Variants in PIEZO2 observed in about 807,000 individuals in gnomAD.
The protein encoded by PIEZO2 is piezo-type mechanosensitive ion channel component 2.
A neutral mutation model predicts 337.3 loss-of-function variants in PIEZO2; 172 were observed. That is an observed-to-expected ratio of 0.51 (90% CI 0.45 to 0.58). The LOEUF (loss-of-function observed/expected upper bound fraction) is 0.58. Ranked by LOEUF, PIEZO2 falls within the 20% of genes least tolerant of loss-of-function variation. The probability of loss-of-function intolerance (pLI) is 0.00; values close to 1 mark genes in which losing one functional copy is unlikely to be tolerated. For synonymous variants in PIEZO2, 1,251 were observed against 1,228.5 expected, an observed-to-expected ratio of 1.02 and a Z score of -0.38; for missense variants, 3,028 against 3,391.3, an observed-to-expected ratio of 0.89 and a Z score of 2.66.
At chr18:10,893,162 T>G (rs758085401) in intron 4 of PIEZO2, among the ~76,000 whole-genome samples, 2 of 152,240 alleles carry the variant, frequency 1.3e-5, no homozygotes, top group Admixed American at 6.5e-5. Flanking sequence ...ACTGATTTAT[T>G]GAATTATGGC....
chr18:10,834,866 T>G lies in PIEZO2; in HGVS notation c.917+20487A>C, dbSNP rs1172152918. On this transcript the variant is annotated intron_variant, in intron 7 of 55. Coordinates refer to ENST00000674853, the MANE Select transcript of PIEZO2 (RefSeq NM_001378183.1). The surrounding 1 kb of genome is among the most constrained non-coding windows in gnomAD (Gnocchi z 4.5). ...CCACACCTGCCTCCATCACTCTCAC[T>G]TTCACAAGGGCGTGATCATAAGCTT... Among the ~76,000 whole-genome samples the G allele has an allele frequency of 2.0e-5, 3 of 152,208 alleles. No individual in the cohort carries two copies. The East Asian group carries it at 5.8e-4, about 29-fold the overall frequency.
intron 52 of PIEZO2, among the ~76,000 whole-genome samples, chr18:10,678,571 C>T (rs2034118372): frequency 6.6e-6 from 1 of 152,018 alleles, no homozygotes; most frequent in Non-Finnish European, 1.5e-5. Flanking sequence ...GCTTGTGTGC[C>T]CAAATAAGCT....
intron 51 of PIEZO2, 52 bp from the exon 52 acceptor site, chr18:10,680,423 A>T: frequency 6.6e-7 from 1 of 1,508,216 alleles, no homozygotes; most frequent in Non-Finnish European, 9.0e-7. Flanking sequence ...ATCATGCTGT[A>T]TAAAGAAAGC....
chr18:10,814,142 T>A (rs916469407), intron 7 of PIEZO2, among the ~76,000 whole-genome samples: 1 of 151,952 alleles, frequency 6.6e-6, no homozygotes, highest in African/African-American at 2.4e-5. Flanking sequence ...TAATTTTTTG[T>A]ATTTTTTTAG....
intron 2 of PIEZO2, among the ~76,000 whole-genome samples, chr18:11,046,070 G>A (rs2037302390): frequency 6.6e-6 from 1 of 152,062 alleles, no homozygotes; most frequent in African/African-American, 2.4e-5. Context: ...AATTCCCCAG[G>A]CAACTGTCCC....
rs556985626 is a variant in PIEZO2, at chr18:10,798,145, T to TA, written c.1379-624dup. Among the ~76,000 whole-genome samples the TA allele has an allele frequency of 3.9e-4, 60 of 152,340 alleles. No homozygotes were observed. The East Asian group carries it at 7.9e-3, about 20-fold the overall frequency. ...CTCTCCGACAAGCCTTCAGCTGAGATAGCAGCTTGACTGCAATCTCATGAG... is the reference window on the plus strand; with the variant it reads ...CTCTCCGACAAGCCTTCAGCTGAGATAAGCAGCTTGACTGCAATCTCATGAG... On this transcript the variant is annotated intron_variant, in intron 11 of 55. Transcript: ENST00000674853.
chr18:10,745,636 T>C (rs905841138), intron 30 of PIEZO2, among the ~76,000 whole-genome samples: 1 of 152,182 alleles, frequency 6.6e-6, no homozygotes, highest in African/African-American at 2.4e-5. Flanking sequence ...TTTCCTTTTT[T>C]CTTTGTGGCT....
chr18:10,724,509 C>G lies in PIEZO2; in HGVS notation c.5030-6250G>C. On this transcript the variant is annotated intron_variant, in intron 36 of 55. Coordinates refer to ENST00000674853, the MANE Select transcript of PIEZO2 (RefSeq NM_001378183.1). The surrounding 1 kb of genome is among the most constrained non-coding windows in gnomAD (Gnocchi z 5.8). The stretch of plus-strand genomic sequence containing the variant: ...AATGCGGAGTACAGGGCCTGCTGGT[C>G]CTCTGGTCACACCCACTCATGCTGG... 1 of 447,734 alleles carries G rather than the reference C, an allele frequency of 2.2e-6. No homozygotes were observed. Among genetic ancestry groups the G allele is most frequent in the Non-Finnish European group, 3.9e-6 (1 of 254,266 alleles). 27.7% of individuals were successfully genotyped at this position (447,734 alleles called of 1,614,324 possible).
chr18:10,721,251 C>T (rs181824419), intron 36 of PIEZO2, among the ~76,000 whole-genome samples: 60 of 152,276 alleles, frequency 3.9e-4, no homozygotes, highest in African/African-American at 1.3e-3. Context: ...TGACCCTGTG[C>T]TGTTGCAAGG....
chr18:10,880,552 T>TG, intron 4 of PIEZO2, among the ~76,000 whole-genome samples: 1 of 152,130 alleles, frequency 6.6e-6, no homozygotes, highest in Non-Finnish European at 1.5e-5. Context: ...GAACAACTTT[T>TG]GGGGGCAAAT....
At chr18:10,927,306 G>C (rs375707199) in intron 3 of PIEZO2, among the ~76,000 whole-genome samples, 56 of 152,272 alleles carry the variant, frequency 3.7e-4, no homozygotes, top group African/African-American at 1.3e-3. Flanking sequence ...CCTCCGAGGA[G>C]GACTCTGATT....
rs1347831074 is a variant in PIEZO2, at chr18:10,687,129, A to G, written c.7497+2526T>C. ...TTGTGTCACCATTTTATTTTTCTTC[A>G]CCTTTTATTTTGAGTTCAGGGGTAC... On this transcript the variant is annotated intron_variant, in intron 49 of 55. Coordinates refer to ENST00000674853, the MANE Select transcript of PIEZO2 (RefSeq NM_001378183.1). Among the ~76,000 whole-genome samples the G allele has an allele frequency of 3.3e-5, 5 of 151,822 alleles. No homozygotes were observed. In the East Asian group the frequency reaches 9.7e-4, roughly 29 times the overall value.
At chr18:11,086,388 G>A (rs1432415487) in intron 1 of PIEZO2, among the ~76,000 whole-genome samples, 4 of 151,480 alleles carry the variant, frequency 2.6e-5, no homozygotes, top group Non-Finnish European at 5.9e-5. Context: ...GGCGTGGTGC[G>A]GGCGCCTGTA....
intron 1 of PIEZO2, among the ~76,000 whole-genome samples, chr18:11,124,662 AACT>A (rs2040131026): frequency 6.6e-6 from 1 of 152,126 alleles, no homozygotes; most frequent in Non-Finnish European, 1.5e-5. Flanking sequence ...GCAGAAGACT[AACT>A]CTGGGCAGGG....
chr18:10,685,756 G>A (rs1459478749), intron 49 of PIEZO2, among the ~76,000 whole-genome samples: 1 of 152,156 alleles, frequency 6.6e-6, no homozygotes, highest in Non-Finnish European at 1.5e-5. Flanking sequence ...CAAGTGAAAC[G>A]GCGTCTCACT....
At chr18:11,026,253 T>G (rs1274335786) in intron 2 of PIEZO2, among the ~76,000 whole-genome samples, 1 of 152,322 alleles carries the variant, frequency 6.6e-6, no homozygotes, top group South Asian at 2.1e-4. Context: ...ATTTCTATTT[T>G]TATTAATATA....
intron 40 of PIEZO2, 43 bp from the exon 41 acceptor site, chr18:10,705,789 C>T (rs1449292893): frequency 1.4e-6 from 2 of 1,471,906 alleles, no homozygotes; most frequent in Non-Finnish European, 1.8e-6. Flanking sequence ...GTCTTAGCAT[C>T]CACACTCCTG....
chr18:11,090,354 A>G (rs1044518914), intron 1 of PIEZO2, among the ~76,000 whole-genome samples: 1 of 152,376 alleles, frequency 6.6e-6, no homozygotes, highest in Non-Finnish European at 1.5e-5. Flanking sequence ...GGGCAAAAAA[A>G]CAAAGTGAAA....
intron 2 of PIEZO2, among the ~76,000 whole-genome samples, chr18:11,019,202 T>G (rs1454378799): frequency 6.6e-6 from 1 of 152,348 alleles, no homozygotes; most frequent in East Asian, 1.9e-4. Flanking sequence ...TCCTCCCTGT[T>G]ACTTTTCCTT....
Sources: allele counts gnomAD v4.1 joint callset (sites outside exome capture counted in the v4.1 genomes callset), GRCh38; gene constraint gnomAD v4.1.1; non-coding constraint Gnocchi (gnomAD v3.1); transcripts MANE v1.5; gene names NCBI Gene and HGNC (gene_info 2026-07-23, HGNC 2026-07-21).